KIF26B: variants seen among roughly 807,000 people sequenced by gnomAD.
The protein encoded by KIF26B is kinesin-like protein KIF26B.
KIF26B carries 63 observed loss-of-function variants against 151.2 expected under a neutral mutation model. That is an observed-to-expected ratio of 0.42 (90% CI 0.34 to 0.51). KIF26B has a LOEUF of 0.51. Ranked by LOEUF, KIF26B falls within the 20% of genes least tolerant of loss-of-function variation. The pLI is 0.07. For missense variants in KIF26B, 2,813 were observed against 2,913.6 expected, an observed-to-expected ratio of 0.97 and a Z score of 0.79; for synonymous variants, 1,357 against 1,262.1, an observed-to-expected ratio of 1.08 and a Z score of -1.59.
chr1:245,466,302 G>T (rs1251229982), intron 4 of KIF26B, among the ~76,000 whole-genome samples: 1 of 152,214 alleles, frequency 6.6e-6, no homozygotes, highest in Non-Finnish European at 1.5e-5. Context: ...CGGCTCCCAG[G>T]TCAGATGTCC....
chr1:245,700,501 T>G (rs2044755491), intron 14 of KIF26B, among the ~76,000 whole-genome samples: 1 of 152,098 alleles, frequency 6.6e-6, no homozygotes, highest in Non-Finnish European at 1.5e-5. Flanking sequence ...AGACCAGCCT[T>G]GACAACATGG....
intron 5 of KIF26B, among the ~76,000 whole-genome samples, chr1:245,579,527 G>C (rs1468194707): frequency 1.3e-5 from 2 of 152,062 alleles, no homozygotes; most frequent in African/African-American, 4.8e-5. Flanking sequence ...AAGGAGGCTT[G>C]GCTGGGTGCA....
chr1:245,228,492 G>A (rs1051285906), intron 2 of KIF26B, among the ~76,000 whole-genome samples: 4 of 151,964 alleles, frequency 2.6e-5, no homozygotes, highest in African/African-American at 9.7e-5. Context: ...CTTGAAACTG[G>A]GAGGTGGAGG....
At chr1:245,607,513 C>A in intron 6 of KIF26B, 138 bp from the exon 7 acceptor site, 1 of 641,986 alleles carries the variant, frequency 1.6e-6, no homozygotes, top group Non-Finnish European at 2.7e-6. Context: ...TCCAAAACTT[C>A]ACGACAGAGG....
intron 2 of KIF26B, among the ~76,000 whole-genome samples, chr1:245,188,219 G>A (rs115605175): frequency 0.1 from 14,676 of 141,604 alleles, 902 homozygotes; most frequent in South Asian, 0.19. Context: ...GGTGGAGGTT[G>A]CAGTGAGCCT....
intron 3 of KIF26B, among the ~76,000 whole-genome samples, chr1:245,405,823 G>A (rs1674122781): frequency 6.6e-6 from 1 of 152,010 alleles, no homozygotes; most frequent in Non-Finnish European, 1.5e-5. Flanking sequence ...TGTAGGATTT[G>A]GTATTTCTGC....
chr1:245,233,036 G>A (rs1262761750), intron 2 of KIF26B, among the ~76,000 whole-genome samples: 1 of 152,216 alleles, frequency 6.6e-6, no homozygotes, highest in African/African-American at 2.4e-5. Context: ...TAATTGTAGG[G>A]TCTGTAGCCT....
Position 245,189,229 on chromosome 1 carries a change from C to T in KIF26B, c.465+32546C>T, listed in dbSNP as rs541345738. On this transcript the variant is annotated intron_variant, in intron 2 of 14. Transcript: ENST00000407071. ...ATTTTACCATAATAAAAATGGTGAA[C>T]TGTCATTATCTTGCATTGTTGATGC... Among the ~76,000 whole-genome samples, 4 of 152,290 alleles carry T rather than the reference C, an allele frequency of 2.6e-5. No homozygotes were observed. The South Asian group carries it at 8.3e-4, about 32-fold the overall frequency.
At chr1:245,252,441 G>A (rs1170227721) in intron 2 of KIF26B, among the ~76,000 whole-genome samples, 1 of 151,984 alleles carries the variant, frequency 6.6e-6, no homozygotes, top group Non-Finnish European at 1.5e-5. Context: ...GTACTTTAGG[G>A]TTATTATTTG....
intron 3 of KIF26B, among the ~76,000 whole-genome samples, chr1:245,386,752 C>A (rs935105320): frequency 1.3e-5 from 2 of 152,164 alleles, no homozygotes; most frequent in Non-Finnish European, 2.9e-5. Flanking sequence ...CAAATGTCAC[C>A]ACTTATTTTG....
At chr1:245,438,019 T>G (rs1194554729) in intron 4 of KIF26B, among the ~76,000 whole-genome samples, 1 of 152,214 alleles carries the variant, frequency 6.6e-6, no homozygotes, top group Non-Finnish European at 1.5e-5. Context: ...TTTCTAATTT[T>G]ACATAAATTT....
chr1:245,270,415 T>C lies in KIF26B; in HGVS notation c.466-96419T>C, dbSNP rs548573888. Among the ~76,000 whole-genome samples the C allele has an allele frequency of 4.4e-4, 66 of 151,222 alleles. 3 individuals carry two copies. The South Asian group carries it at 0.014, about 31-fold the overall frequency. ...TTTCCCTTTCCTTTTTCCTTCCCTT[T>C]CCCTTTCCTTTCCTTTCTTTTTGTG... On this transcript the variant is annotated intron_variant, in intron 2 of 14. Transcript: ENST00000407071.
intron 2 of KIF26B, among the ~76,000 whole-genome samples, chr1:245,253,342 G>T (rs777219970): frequency 6.6e-6 from 1 of 152,026 alleles, no homozygotes; most frequent in Non-Finnish European, 1.5e-5. Flanking sequence ...TACATTAAGA[G>T]ATTTTTTTAG....
intron 2 of KIF26B, among the ~76,000 whole-genome samples, chr1:245,236,756 G>C (rs768791558): frequency 6.6e-6 from 1 of 152,224 alleles, no homozygotes; most frequent in African/African-American, 2.4e-5. Context: ...GCCAATGCTA[G>C]GGGAAAGGAA....
intron 2 of KIF26B, among the ~76,000 whole-genome samples, chr1:245,323,344 G>T (rs921764861): frequency 6.6e-6 from 1 of 152,142 alleles, no homozygotes; most frequent in Non-Finnish European, 1.5e-5. Context: ...GTTGAGAGAG[G>T]TTATGGTTCC....
chr1:245,253,758 A>T (rs1197251445), intron 2 of KIF26B, among the ~76,000 whole-genome samples: 8 of 146,314 alleles, frequency 5.5e-5, no homozygotes, highest in African/African-American at 7.5e-5. Context: ...AGATTAAAAA[A>T]TTTTGTTTTA....
chr1:245,377,483 A>G (rs1033164562), intron 3 of KIF26B, among the ~76,000 whole-genome samples: 1 of 152,180 alleles, frequency 6.6e-6, no homozygotes, highest in African/African-American at 2.4e-5. Flanking sequence ...TCAATCCTTA[A>G]CTACTATATG....
Position 245,259,337 on chromosome 1 carries a change from G to A in KIF26B, c.465+102654G>A, listed in dbSNP as rs140595844. On this transcript the variant is annotated intron_variant, in intron 2 of 14. Transcript: ENST00000407071. ...AATGTCTTATCTCACTGGCCTCCCCGCCCCACCACATCCCTTCCCATTGGA... is the reference window on the plus strand; with the variant it reads ...AATGTCTTATCTCACTGGCCTCCCCACCCCACCACATCCCTTCCCATTGGA... Among the ~76,000 whole-genome samples, 186 of 152,172 alleles carry A rather than the reference G, an allele frequency of 1.2e-3. 1 individual carries two copies. In the East Asian group the frequency reaches 0.027, roughly 22 times the overall value.
At position 245,688,461 on chromosome 1, in the gene KIF26B, G is replaced by A. The variant is rs1427274900; in HGVS notation, c.5478G>A (p.Gly1826=). ...AGARGLQLRA[G]PEAEARGGAL... is the part of the protein sequence containing the mutation. ...CCCGGGGCTTGCAGCTGCGGGCCGG[G>A]CCCGAGGCGGAGGCGCGCGGGGGGG... Residue 1826 remains glycine (G), a synonymous_variant, in exon 12 of 15, where the codon GGG becomes GGA. Transcript: ENST00000407071. 1 of 1,376,192 alleles carries A rather than the reference G, an allele frequency of 7.3e-7. No individual in the cohort carries two copies. Among genetic ancestry groups the A allele is most frequent in the African/African-American group, 1.5e-5 (1 of 65,400 alleles). The allele number at this position is 1,376,192 out of a possible 1,614,324, so 85.2% of individuals were successfully genotyped here.
Sources: allele counts gnomAD v4.1 joint callset (sites outside exome capture counted in the v4.1 genomes callset), GRCh38; gene constraint gnomAD v4.1.1; transcripts MANE v1.5; gene names NCBI Gene and HGNC (gene_info 2026-07-23, HGNC 2026-07-21).